The following CPA6 variants were observed in gnomAD, a reference collection of about 807,000 sequenced individuals.
CPA6 encodes carboxypeptidase B.
In CPA6, 58 loss-of-function variants were observed where a neutral mutation model predicts 63.3. The ratio of observed to expected loss-of-function variants is 0.92; its 90% CI spans 0.74 to 1.14. The LOEUF (loss-of-function observed/expected upper bound fraction) is 1.14, where lower values mean the gene tolerates loss of function less well. Ranked by LOEUF, CPA6 falls within the 50% of genes most tolerant of loss-of-function variation. The pLI is 0.00. For synonymous variants in CPA6, 185 were observed against 179.0 expected, an observed-to-expected ratio of 1.03 and a Z score of -0.27; for missense variants, 565 against 526.6, an observed-to-expected ratio of 1.07 and a Z score of -0.71.
intron 1 of CPA6, among the ~76,000 whole-genome samples, chr8:67,696,603 G>C (rs1816916812): frequency 6.6e-6 from 1 of 151,872 alleles, no homozygotes; most frequent in Admixed American, 6.6e-5. Flanking sequence ...GCCAAAAATG[G>C]AAACAACACA....
intron 1 of CPA6, among the ~76,000 whole-genome samples, chr8:67,712,778 G>C (rs1817289180): frequency 6.6e-6 from 1 of 151,942 alleles, no homozygotes; most frequent in African/African-American, 2.4e-5. Context: ...ATGCTGTTCT[G>C]AGTAGTGTGA....
At chr8:67,470,919 T>A (rs1811043632) in intron 8 of CPA6, among the ~76,000 whole-genome samples, 1 of 152,218 alleles carries the variant, frequency 6.6e-6, no homozygotes, top group Non-Finnish European at 1.5e-5. Flanking sequence ...CTGCCCTTGA[T>A]GATCCATTTA....
intron 1 of CPA6, among the ~76,000 whole-genome samples, chr8:67,745,665 C>T (rs959821858): frequency 6.6e-6 from 1 of 152,128 alleles, no homozygotes; most frequent in Non-Finnish European, 1.5e-5. Context: ...GCTTAGTTTT[C>T]AGGTCATAAA....
intron 2 of CPA6, among the ~76,000 whole-genome samples, chr8:67,547,972 C>T (rs1161521323): frequency 6.6e-6 from 1 of 152,082 alleles, no homozygotes; most frequent in Admixed American, 6.5e-5. Flanking sequence ...CATTCTATTC[C>T]TTGTATTATA....
intron 2 of CPA6, among the ~76,000 whole-genome samples, chr8:67,590,494 A>C (rs1053005104): frequency 1.3e-5 from 2 of 151,432 alleles, no homozygotes; most frequent in Non-Finnish European, 3.0e-5. Context: ...GAACTAGTTT[A>C]CGGTCCCACC....
Position 67,702,595 on chromosome 8 carries a change from G to C in CPA6, c.116+43419C>G, listed in dbSNP as rs114958646. Among the ~76,000 whole-genome samples the C allele has an allele frequency of 5.7e-3, 874 of 152,310 alleles. 6 individuals are homozygous for C. Among genetic ancestry groups the C allele is most frequent in the African/African-American group, 0.02 (822 of 41,566 alleles). On this transcript the variant is annotated intron_variant, in intron 1 of 10. Transcript: ENST00000297770. ...CTTCCCAATAAGATCTTAGAAGTTG[G>C]ACGAGTGGGCTCAAGCATGCACACT...
intron 2 of CPA6, among the ~76,000 whole-genome samples, chr8:67,617,180 T>G (rs1350916019): frequency 3.3e-5 from 5 of 152,204 alleles, no homozygotes; most frequent in African/African-American, 1.2e-4. Context: ...CTGGGGTAGA[T>G]CGTCATCATC....
At chr8:67,721,247 T>G (rs1365229561) in intron 1 of CPA6, among the ~76,000 whole-genome samples, 3 of 152,252 alleles carry the variant, frequency 2.0e-5, no homozygotes, top group African/African-American at 7.2e-5. Flanking sequence ...GGTACTTTAC[T>G]GCCTTAGAGG....
rs568964793 is a variant in CPA6, at chr8:67,587,939, T to C, written c.192+36237A>G. Among the ~76,000 whole-genome samples the C allele has an allele frequency of 1.4e-4, 22 of 152,272 alleles. No homozygotes were observed. In the East Asian group the frequency reaches 4.2e-3, roughly 29 times the overall value. ...TAATGCTGGCTGTTAATCGCATAGC[T>C]AGTGCCATTGGTTGAATGAATAGGC... On this transcript the variant is annotated intron_variant, in intron 2 of 10. Transcript: ENST00000297770.
At chr8:67,524,613 C>CATTTTTT (rs1554670781) in intron 2 of CPA6, among the ~76,000 whole-genome samples, 2 of 149,820 alleles carry the variant, frequency 1.3e-5, no homozygotes, top group Non-Finnish European at 3.0e-5. Context: ...TTTGAAAAAA[C>CATTTTTT]TTTTTTTGTT....
At chr8:67,629,506 A>T (rs1815271480) in intron 1 of CPA6, among the ~76,000 whole-genome samples, 1 of 151,250 alleles carries the variant, frequency 6.6e-6, no homozygotes, top group African/African-American at 2.4e-5. Flanking sequence ...AATAAGACCC[A>T]AAGTACTTCT....
At chr8:67,477,173 C>T (rs1387074292) in intron 8 of CPA6, among the ~76,000 whole-genome samples, 2 of 151,548 alleles carry the variant, frequency 1.3e-5, no homozygotes, top group South Asian at 4.2e-4. Context: ...CACCTGTAGT[C>T]CCAGCTACTT....
chr8:67,481,031 T>C (rs537501734), intron 8 of CPA6, among the ~76,000 whole-genome samples: 2 of 152,350 alleles, frequency 1.3e-5, no homozygotes, highest in Non-Finnish European at 2.9e-5. Context: ...GTTTTTATTG[T>C]TGAGAGAATT....
intron 1 of CPA6, among the ~76,000 whole-genome samples, chr8:67,694,315 A>T (rs1426530983): frequency 2.6e-5 from 4 of 152,208 alleles, no homozygotes; most frequent in Non-Finnish European, 5.9e-5. Context: ...GATTTTAGAG[A>T]AAGGCCTTGC....
chr8:67,680,803 A>C (rs1407735951), intron 1 of CPA6, among the ~76,000 whole-genome samples: 1 of 152,212 alleles, frequency 6.6e-6, no homozygotes, highest in Non-Finnish European at 1.5e-5. Flanking sequence ...CCAGTTACCC[A>C]AAGTCCAAAG....
intron 2 of CPA6, among the ~76,000 whole-genome samples, chr8:67,600,315 A>G (rs1385974377): frequency 7.6e-6 from 1 of 132,112 alleles, no homozygotes; most frequent in South Asian, 2.6e-4. Flanking sequence ...AAAAAGTTGA[A>G]TTCATAAAGC....
chr8:67,558,088 A>C (rs1235180621), intron 2 of CPA6, among the ~76,000 whole-genome samples: 1 of 151,532 alleles, frequency 6.6e-6, no homozygotes, highest in Admixed American at 6.6e-5. Context: ...CATTCACTTC[A>C]CTCCAGCCAG....
intron 4 of CPA6, among the ~76,000 whole-genome samples, chr8:67,510,406 ATG>A (rs71554609): frequency 0.28 from 42,446 of 150,030 alleles, 5,940 homozygotes; most frequent in Middle Eastern, 0.43. Context: ...AGCAGGATAT[ATG>A]TGTGTGTGTG....
chr8:67,719,915 C>A (rs868436810), intron 1 of CPA6, among the ~76,000 whole-genome samples: 10 of 152,086 alleles, frequency 6.6e-5, no homozygotes, highest in Non-Finnish European at 1.2e-4. Flanking sequence ...CATCCACATC[C>A]GTGTCCAGCA....
Sources: allele counts gnomAD v4.1 joint callset (sites outside exome capture counted in the v4.1 genomes callset), GRCh38; gene constraint gnomAD v4.1.1; transcripts MANE v1.5; gene names NCBI Gene and HGNC (gene_info 2026-07-23, HGNC 2026-07-21).